IL3RA: variants seen among roughly 807,000 people sequenced by gnomAD.
The protein encoded by IL3RA is interleukin 3 receptor subunit alpha.
IL3RA carries 73 observed loss-of-function variants against 52.3 expected under a neutral mutation model. That is an observed-to-expected ratio of 1.40 (90% confidence interval 1.16 to 1.70). IL3RA has a LOEUF of 1.70. Among genes scored for constraint, IL3RA ranks in the 40% most tolerant of loss-of-function variants. The pLI, the probability that IL3RA is intolerant of heterozygous loss-of-function variation, is 0.00. For synonymous variants in IL3RA, 260 were observed against 194.0 expected (o/e 1.34, Z -2.83); for missense variants, 664 against 504.4 (o/e 1.32, Z -3.03).
Position 1,381,059 on chromosome X carries a change from T to G in IL3RA, c.1017T>G (p.Pro339=). 1 of 1,613,844 alleles carries G rather than the reference T, an allele frequency of 6.2e-7. No individual in the cohort carries two copies. Among genetic ancestry groups the G allele is most frequent in the Non-Finnish European group, 8.5e-7 (1 of 1,179,806 alleles). ...LVMQRLFPRI[P]HMKDPIGDSF... ...TGCAGAGACTCTTTCCCCGCATCCCTCACATGAAAGACCCCATCGGTGACA... is the reference window on the plus strand; with the variant it reads ...TGCAGAGACTCTTTCCCCGCATCCCGCACATGAAAGACCCCATCGGTGACA... The change falls in exon 11 of 12, where the codon CCT becomes CCG. Residue 339 remains proline, a synonymous_variant. Transcript: ENST00000331035.
rs541013160 is a variant in IL3RA at position 1,352,011 on chromosome X, C to T, written c.299-89C>T. ...AACTCCTGACCTCATGTGATCCACCCGCCTCGGCCTCCCAAAATGCTGGGG... is the reference window on the plus strand; with the variant it reads ...AACTCCTGACCTCATGTGATCCACCTGCCTCGGCCTCCCAAAATGCTGGGG... On this transcript the variant is annotated intron_variant, in intron 4 of 11. Coordinates refer to ENST00000331035, the MANE Select transcript of IL3RA (RefSeq NM_002183.4). 8.9e-5 allele frequency: 133 copies of T among 1,501,122 alleles called. No individual in the cohort carries two copies. In the African/African-American group the frequency reaches 1.0e-3, roughly 12 times the overall value. 93.0% of individuals were successfully genotyped at this position (1,501,122 alleles called of 1,614,324 possible). A position where few individuals can be genotyped will look rare whatever the true frequency, so the allele number is the denominator to read the frequency against.
At chrX:1,348,645 TC>T (rs1245057727) in intron 4 of IL3RA, 100 bp downstream of exon 4, 8,736 of 278,694 alleles carry the variant, frequency 0.031, 345 homozygotes, top group African/African-American at 0.16. Flanking sequence ...TTTCTTTTTC[TC>T]TTTCTTTCTT....
chrX:1,348,797 TTTC>T (rs1428431396), intron 4 of IL3RA, among the ~76,000 whole-genome samples: 25 of 148,010 alleles, frequency 1.7e-4, no homozygotes, highest in African/African-American at 5.8e-4. Context: ...CCTTCTTTCT[TTTC>T]TTCACTTCCT....
chrX:1,345,772 G>A (rs766599400), intron 3 of IL3RA, among the ~76,000 whole-genome samples: 23 of 152,012 alleles, frequency 1.5e-4, no homozygotes, highest in African/African-American at 5.1e-4. Context: ...TTACAGGCGC[G>A]AGTCACCGCG....
chrX:1,347,262 G>A (rs756471170), intron 3 of IL3RA, among the ~76,000 whole-genome samples: 41 of 147,952 alleles, frequency 2.8e-4, no homozygotes, highest in African/African-American at 9.1e-4. Context: ...TGGCTAACAC[G>A]GTGAAACCCC....
rs751966910 is a variant in IL3RA at position 1,348,527 on chromosome X, A to G, written c.280A>G (p.Ile94Val). ...RVANPPFSTW[I>V]LFPENSGKPW... ...GGCCAACCCACCATTCTCCACGTGG[A>G]TCCTCTTCCCTGAGAACAGTGAGAA... is the stretch of plus-strand genomic sequence containing the variant. Residue 94 changes from isoleucine to valine, a missense_variant, in exon 4 of 12, where the codon ATC becomes GTC. By Grantham distance (29) the Ile-to-Val change is conservative. Coordinates refer to ENST00000331035, the MANE Select transcript of IL3RA (RefSeq NM_002183.4). 2 of 1,613,214 alleles carry G rather than the reference A, an allele frequency of 1.2e-6. No individual in the cohort carries two copies. Among genetic ancestry groups the G allele is most frequent in the Middle Eastern group, 1.7e-4 (1 of 6,056 alleles).
At position 1,382,530 on chromosome X, in the gene IL3RA, G is replaced by T; in HGVS notation, c.*65G>T. The T allele has an allele frequency of 6.8e-7, 1 of 1,478,640 alleles. No homozygotes were observed. Among genetic ancestry groups the T allele is most frequent in the Non-Finnish European group, 9.5e-7 (1 of 1,056,828 alleles). The allele number at this position is 1,478,640 out of a possible 1,614,324, so 91.6% of individuals were successfully genotyped here. A position where few individuals can be genotyped will look rare whatever the true frequency, so the allele number is the denominator to read the frequency against. On this transcript the variant is annotated 3_prime_UTR_variant, in exon 12 of 12. Coordinates refer to ENST00000331035, the MANE Select transcript of IL3RA (RefSeq NM_002183.4). ...CCTGGCCGGGCCAGGCGCCTGCACAGACTGGCTGCTGGACCTGCGCACGCA... is the reference window on the plus strand; with the variant it reads ...CCTGGCCGGGCCAGGCGCCTGCACATACTGGCTGCTGGACCTGCGCACGCA...
intron 8 of IL3RA, among the ~76,000 whole-genome samples, chrX:1,364,847 T>G (rs1204887117): frequency 6.6e-6 from 1 of 151,786 alleles, no homozygotes; most frequent in Non-Finnish European, 1.5e-5. Context: ...CTCACTCTGT[T>G]GCCCAGGCTG....
chrX:1,346,556 G>A (rs1477807359), intron 3 of IL3RA, among the ~76,000 whole-genome samples: 24 of 152,060 alleles, frequency 1.6e-4, no homozygotes, highest in Non-Finnish European at 3.1e-4. Flanking sequence ...GCACTGAGCC[G>A]AGATTGTGCC....
intron 9 of IL3RA, among the ~76,000 whole-genome samples, chrX:1,378,129 G>A (rs1210965092): frequency 6.7e-6 from 1 of 148,190 alleles, no homozygotes; most frequent in Non-Finnish European, 1.5e-5. Context: ...GAGGTTGTGA[G>A]CTGAGATCGT....
rs150841096 is a variant in IL3RA at position 1,343,244 on chromosome X, C to G, written c.64+1415C>G. Among the ~76,000 whole-genome samples, 31 of 152,196 alleles carry G rather than the reference C, an allele frequency of 2.0e-4. No homozygotes were observed. The East Asian group carries it at 6.0e-3, about 29-fold the overall frequency. On this transcript the variant is annotated intron_variant, in intron 2 of 11. Coordinates refer to ENST00000331035, the MANE Select transcript of IL3RA (RefSeq NM_002183.4). Reference sequence around the variant, plus strand: ...CCAAGGTTGCTGACCTTGATAACCACTCAAGATCCTTACAGTTTATAAAGT... The same window carrying G: ...CCAAGGTTGCTGACCTTGATAACCAGTCAAGATCCTTACAGTTTATAAAGT...
At chrX:1,344,996 A>G (rs1231947676) in intron 2 of IL3RA, among the ~76,000 whole-genome samples, 2 of 105,770 alleles carry the variant, frequency 1.9e-5, no homozygotes, top group Non-Finnish European at 4.2e-5. Context: ...CGCCATCTCT[A>G]CTAAAAATAC....
At chrX:1,359,544 A>C (rs1413923284) in intron 8 of IL3RA, among the ~76,000 whole-genome samples, 80 of 113,684 alleles carry the variant, frequency 7.0e-4, no homozygotes, top group African/African-American at 8.1e-4. Context: ...CCCTCCCTCT[A>C]TCTTTCTGGC....
At chrX:1,348,704 C>CTT (rs1203615275) in intron 4 of IL3RA, among the ~76,000 whole-genome samples, 159 bp downstream of exon 4, 9 of 79,090 alleles carry the variant, frequency 1.1e-4, no homozygotes, top group East Asian at 6.2e-4. Flanking sequence ...TTCTTTCTTT[C>CTT]TGTTTCTGTT....
At chrX:1,357,555 G>T (rs1220325033) in intron 7 of IL3RA, among the ~76,000 whole-genome samples, 1 of 148,876 alleles carries the variant, frequency 6.7e-6, no homozygotes, top group African/African-American at 2.5e-5. Flanking sequence ...GTAGAGATGG[G>T]GTTTCACCAT....
At chrX:1,346,828 G>T (rs1242515791) in intron 3 of IL3RA, among the ~76,000 whole-genome samples, 22 of 151,120 alleles carry the variant, frequency 1.5e-4, no homozygotes, top group Admixed American at 3.3e-4. Flanking sequence ...GAACCTATTT[G>T]GTCCCCTCCA....
intron 4 of IL3RA, 133 bp downstream of exon 4, chrX:1,348,678 C>G: frequency 6.3e-6 from 3 of 476,868 alleles, no homozygotes; most frequent in Non-Finnish European, 3.6e-6. Flanking sequence ...TTCTTTCTTT[C>G]TTTCTTTCTT....
At chrX:1,341,674 C>T (rs745777562) in intron 1 of IL3RA, 54 bp from the exon 2 acceptor site, 47 of 1,455,470 alleles carry the variant, frequency 3.2e-5, no homozygotes, top group African/African-American at 4.2e-5. Context: ...CTTCATTACC[C>T]GCAACCCAGT....
At chrX:1,348,676 TTCTTTC>T (rs1402054497) in intron 4 of IL3RA, 131 bp downstream of exon 4, 3 of 396,238 alleles carry the variant, frequency 7.6e-6, no homozygotes, top group East Asian at 6.3e-5. Flanking sequence ...CTTTCTTTCT[TTCTTTC>T]TTTCTTTCTT....
Sources: gnomAD v4.1 joint callset for allele counts (sites outside exome capture counted in the v4.1 genomes callset) on GRCh38, gnomAD v4.1.1 for gene constraint, MANE v1.5 for transcripts, NCBI Gene and HGNC (gene_info 2026-07-23, HGNC 2026-07-21) for gene names.